The following C7orf78 variants were observed in gnomAD, a reference collection of about 807,000 sequenced individuals.
C7orf78 encodes the protein chromosome 7 open reading frame 78, also known as putative uncharacterized protein C7orf78.
At chr7:12,514,439 TAA>T in the C7orf78 span, among the ~76,000 whole-genome samples, 1 of 152,126 alleles carries the variant, frequency 6.6e-6, no homozygotes, top group Admixed American at 6.5e-5. Context: ...TCTTTACAGA[TAA>T]GTTGAGTTTC....
chr7:12,495,269 T>C, the C7orf78 span, among the ~76,000 whole-genome samples: 1 of 152,170 alleles, frequency 6.6e-6, no homozygotes, highest in Non-Finnish European at 1.5e-5. Flanking sequence ...GTGTGACATG[T>C]CAGATGGTGG....
chr7:12,531,398 A>G, the C7orf78 span, among the ~76,000 whole-genome samples: 1 of 152,148 alleles, frequency 6.6e-6, no homozygotes, highest in Non-Finnish European at 1.5e-5. Context: ...AGGAGGGCAG[A>G]TTAATGTAGT....
the C7orf78 span, among the ~76,000 whole-genome samples, chr7:12,494,429 G>A: frequency 2.2e-4 from 34 of 152,060 alleles, no homozygotes; most frequent in African/African-American, 7.5e-4. Context: ...AGAAGGAGGT[G>A]TCTAACCATA....
chr7:12,537,291 A>T, the C7orf78 span, among the ~76,000 whole-genome samples: 1 of 152,184 alleles, frequency 6.6e-6, no homozygotes, highest in African/African-American at 2.4e-5. Context: ...TTTTGCAGGG[A>T]AACTCCCATT....
the C7orf78 span, chr7:12,523,389 G>T: frequency 5.0e-6 from 2 of 398,228 alleles, no homozygotes; most frequent in Non-Finnish European, 8.9e-6. Context: ...TATCCAAGGG[G>T]TGTATATGTC....
chr7:12,506,307 G>T, the C7orf78 span, among the ~76,000 whole-genome samples: 1 of 152,082 alleles, frequency 6.6e-6, no homozygotes, highest in African/African-American at 2.4e-5. Flanking sequence ...TACCCAAAGG[G>T]TTATAAATCA....
chr7:12,528,905 A>G, the C7orf78 span: 7 of 398,426 alleles, frequency 1.8e-5, no homozygotes, highest in Admixed American at 2.2e-4. Flanking sequence ...TCTCTAGTAC[A>G]TGGGTACCAG....
the C7orf78 span, among the ~76,000 whole-genome samples, chr7:12,519,087 G>A: frequency 6.6e-6 from 1 of 152,056 alleles, no homozygotes; most frequent in Non-Finnish European, 1.5e-5. Flanking sequence ...GCAGAAGATG[G>A]AGATGAGGAT....
At chr7:12,536,502 A>G in the C7orf78 span, among the ~76,000 whole-genome samples, 3 of 152,254 alleles carry the variant, frequency 2.0e-5, no homozygotes, top group South Asian at 4.1e-4. Flanking sequence ...GGACTGCCAA[A>G]AAGTTCTCAG....
At chr7:12,520,248 G>T in the C7orf78 span, among the ~76,000 whole-genome samples, 1 of 152,172 alleles carries the variant, frequency 6.6e-6, no homozygotes, top group African/African-American at 2.4e-5. Context: ...TCTGAAATGT[G>T]ATTATCTATT....
chr7:12,529,721 C>T, the C7orf78 span, among the ~76,000 whole-genome samples: 1 of 152,174 alleles, frequency 6.6e-6, no homozygotes, highest in Non-Finnish European at 1.5e-5. Flanking sequence ...AGATTTGATG[C>T]ATGGTGGGCA....
At chr7:12,502,211 C>T in the C7orf78 span, among the ~76,000 whole-genome samples, 1 of 102,818 alleles carries the variant, frequency 9.7e-6, no homozygotes, top group Non-Finnish European at 2.0e-5. Context: ...GCAATGGCAA[C>T]CAAAGCCAAA....
the C7orf78 span, among the ~76,000 whole-genome samples, chr7:12,513,719 G>A: frequency 6.6e-6 from 1 of 152,114 alleles, no homozygotes; most frequent in Non-Finnish European, 1.5e-5. Context: ...GCCTATTCTG[G>A]GCCGGGCGCG....
At chr7:12,495,933 T>A in the C7orf78 span, among the ~76,000 whole-genome samples, 5 of 152,102 alleles carry the variant, frequency 3.3e-5, no homozygotes. Flanking sequence ...AAAAAAATTT[T>A]TTTTTTTTTT....
At chr7:12,498,166 A>G in the C7orf78 span, among the ~76,000 whole-genome samples, 4 of 152,090 alleles carry the variant, frequency 2.6e-5, no homozygotes, top group Admixed American at 2.6e-4. Flanking sequence ...AAACTCTAAA[A>G]AGCAGAGCGC....
the C7orf78 span, among the ~76,000 whole-genome samples, chr7:12,502,944 G>A: frequency 6.6e-6 from 1 of 151,476 alleles, no homozygotes; most frequent in East Asian, 1.9e-4. Flanking sequence ...GGACCTGGAT[G>A]AAATTGGAAG....
chr7:12,541,616 C>T, the C7orf78 span: 3 of 148,782 alleles, frequency 2.0e-5, no homozygotes, highest in Non-Finnish European at 4.5e-5. Context: ...TTTCAGGAAT[C>T]ATAGGATACC....
chr7:12,531,097 G>A, the C7orf78 span: 3 of 398,118 alleles, frequency 7.5e-6, no homozygotes, highest in Admixed American at 4.4e-5. Context: ...GAGCAGGTGG[G>A]CAAAAAAATT....
the C7orf78 span, among the ~76,000 whole-genome samples, chr7:12,500,263 A>G: frequency 5.3e-5 from 8 of 152,094 alleles, no homozygotes; most frequent in Non-Finnish European, 1.2e-4. Context: ...GACACAAGAA[A>G]CCCTTCAAAA....
Sources: allele counts gnomAD v4.1 joint callset (sites outside exome capture counted in the v4.1 genomes callset), GRCh38; gene constraint gnomAD v4.1.1; transcripts MANE v1.5; gene names NCBI Gene and HGNC (gene_info 2026-07-23, HGNC 2026-07-21).